Variants in SUZ12 observed in about 807,000 individuals in gnomAD.
SUZ12 encodes the protein SUZ12 polycomb repressive complex 2 subunit.
In SUZ12, 17 loss-of-function variants were observed where a neutral mutation model predicts 87.3. That is an observed-to-expected ratio of 0.19 (90% CI 0.13 to 0.29). The LOEUF (loss-of-function observed/expected upper bound fraction) is 0.29. Among genes scored for constraint, SUZ12 ranks in the 10% least tolerant of loss-of-function variants. The probability of loss-of-function intolerance (pLI) is 1.00; values close to 1 mark genes in which losing one functional copy is unlikely to be tolerated. For missense variants in SUZ12, 526 were observed against 912.2 expected (o/e 0.58, Z 5.45); for synonymous variants, 253 against 312.4 (o/e 0.81, Z 2.01).
At chr17:31,961,659 A>AT (rs1359678334) in intron 4 of SUZ12, among the ~76,000 whole-genome samples, 2 of 152,170 alleles carry the variant, frequency 1.3e-5, no homozygotes, top group Non-Finnish European at 2.9e-5. Flanking sequence ...TTATTTGTTA[A>AT]TTTTCAGTGT....
chr17:31,975,010 G>T (rs1908660359), intron 6 of SUZ12, among the ~76,000 whole-genome samples: 1 of 151,964 alleles, frequency 6.6e-6, no homozygotes, highest in Non-Finnish European at 1.5e-5. Flanking sequence ...TCATAATGTA[G>T]TTGTTGACCA....
At position 31,998,954 on chromosome 17, in the gene SUZ12, CAGAT is replaced by C. The variant is rs747796605; in HGVS notation, c.2174_2177del (p.Asp725ValfsTer18). ...AACTCAAAAGAGAAAGCTTTGGAAACAGATAGTGTCTCAGGGGTTTCAAAACAGA... is the reference window on the plus strand; with the variant it reads ...AACTCAAAAGAGAAAGCTTTGGAAACAGTGTCTCAGGGGTTTCAAAACAGA... On this transcript the variant is annotated frameshift_variant, in exon 16 of 16. Coordinates refer to ENST00000322652, the MANE Select transcript of SUZ12 (RefSeq NM_015355.4). LOFTEE classifies it high-confidence loss of function. The C allele has an allele frequency of 2.0e-4, 319 of 1,604,508 alleles. 5 individuals are homozygous for C. The South Asian group carries it at 2.5e-3, about 12-fold the overall frequency.
intron 7 of SUZ12, 46 bp downstream of exon 7, chr17:31,975,759 T>G (rs754265346): frequency 1.1e-5 from 16 of 1,439,016 alleles, no homozygotes; most frequent in Non-Finnish European, 1.5e-5. Flanking sequence ...ACTAAGATGG[T>G]CATTGAAAAT....
rs756290791 is a variant in SUZ12 at position 31,937,390 on chromosome 17, G to C, written c.144G>C (p.Gly48=). ...AATCCGGCGGCGGGAGCTGTGGAGG[G>C]GGTGGCAGTTACTCGGCCTCCTCCT... ...GGKSGGGSCG[G]GGSYSASSSS... is the part of the protein sequence containing the mutation. Residue 48 remains glycine, a synonymous_variant, in exon 1 of 16, where the codon GGG becomes GGC. Transcript: ENST00000322652. The C allele has an allele frequency of 1.0e-4, 158 of 1,537,264 alleles. No individual in the cohort carries two copies. The highest frequency in any genetic ancestry group is 1.6e-4 in the Admixed American group (8 of 50,234).
chr17:31,968,862 G>A (rs1225214352), intron 5 of SUZ12, among the ~76,000 whole-genome samples: 2 of 152,180 alleles, frequency 1.3e-5, no homozygotes, highest in East Asian at 3.9e-4. Flanking sequence ...TTTTTGGAAA[G>A]TAGTCATATT....
intron 4 of SUZ12, among the ~76,000 whole-genome samples, chr17:31,960,376 A>G (rs1907629670): frequency 1.3e-5 from 2 of 151,626 alleles, no homozygotes; most frequent in African/African-American, 4.8e-5. Flanking sequence ...ACGGCCAGCT[A>G]ATTTATGTGT....
intron 8 of SUZ12, among the ~76,000 whole-genome samples, chr17:31,979,037 C>G (rs1488365899): frequency 7.6e-6 from 1 of 132,126 alleles, no homozygotes; most frequent in African/African-American, 2.8e-5. Context: ...ACCCAGGAGG[C>G]GGAGGTTACA....
At chr17:31,982,197 G>A (rs1909150670) in intron 8 of SUZ12, among the ~76,000 whole-genome samples, 1 of 152,140 alleles carries the variant, frequency 6.6e-6, no homozygotes, top group Non-Finnish European at 1.5e-5. Context: ...TGTGCCAGGT[G>A]CCCCCAGAAT....
At chr17:31,958,548 T>G (rs1907507712) in intron 4 of SUZ12, among the ~76,000 whole-genome samples, 2 of 151,512 alleles carry the variant, frequency 1.3e-5, no homozygotes, top group Admixed American at 1.3e-4. Flanking sequence ...CCATCTCTAC[T>G]AAAAATCCAA....
chr17:31,938,488 A>G, intron 1 of SUZ12, among the ~76,000 whole-genome samples: 1 of 152,210 alleles, frequency 6.6e-6, no homozygotes, highest in Non-Finnish European at 1.5e-5. Flanking sequence ...ACGTTGTTTA[A>G]TACCCTTCCT....
At chr17:31,939,950 TAATA>T in intron 1 of SUZ12, among the ~76,000 whole-genome samples, 1 of 152,174 alleles carries the variant, frequency 6.6e-6, no homozygotes, top group Non-Finnish European at 1.5e-5. Flanking sequence ...AGAAAATCGG[TAATA>T]AATAGTTTAA....
At chr17:31,940,701 CTT>C (rs796594350) in intron 3 of SUZ12, among the ~76,000 whole-genome samples, 1 of 145,774 alleles carries the variant, frequency 6.9e-6, no homozygotes, top group Non-Finnish European at 1.5e-5. Flanking sequence ...TTGTTATTAG[CTT>C]TTTTTTTTTA....
At chr17:31,939,416 A>AG (rs1319796319) in intron 1 of SUZ12, among the ~76,000 whole-genome samples, 1 of 151,916 alleles carries the variant, frequency 6.6e-6, no homozygotes, top group African/African-American at 2.4e-5. Flanking sequence ...GAAAAAAAAA[A>AG]TCTTGACTGA....
chr17:31,997,894 C>A (rs985881500), intron 15 of SUZ12, among the ~76,000 whole-genome samples: 3 of 151,978 alleles, frequency 2.0e-5, no homozygotes, highest in African/African-American at 7.3e-5. Context: ...TTTACCATTT[C>A]ATAGAGGTGA....
At chr17:31,951,148 A>G (rs1382300644) in intron 4 of SUZ12, among the ~76,000 whole-genome samples, 1 of 152,126 alleles carries the variant, frequency 6.6e-6, no homozygotes, top group Admixed American at 6.5e-5. Flanking sequence ...GGAGTCTTCC[A>G]CTAGAATTCA....
Position 31,940,409 on chromosome 17 carries a change from A to T in SUZ12, c.322-13A>T, listed in dbSNP as rs1567809848. The T allele has an allele frequency of 6.3e-7, 1 of 1,584,758 alleles. No individual in the cohort carries two copies. The highest frequency in any genetic ancestry group is 1.9e-5 in the Admixed American group (1 of 53,336). On this transcript the variant is annotated splice_polypyrimidine_tract_variant and intron_variant, in intron 2 of 15. Coordinates refer to ENST00000322652, the MANE Select transcript of SUZ12 (RefSeq NM_015355.4). Reference sequence around the variant, plus strand: ...TGTATTCAATTTTAACATTTTTAAAACTCTTTTTGTAGCCAATATTTTTGC... The same window carrying T: ...TGTATTCAATTTTAACATTTTTAAATCTCTTTTTGTAGCCAATATTTTTGC...
chr17:31,963,406 C>T (rs1222314294), intron 4 of SUZ12, among the ~76,000 whole-genome samples: 3 of 150,932 alleles, frequency 2.0e-5, no homozygotes, highest in Non-Finnish European at 3.0e-5. Flanking sequence ...TCTCCCATCC[C>T]GCCTCATCTC....
At chr17:31,949,045 C>T (rs971310095) in intron 4 of SUZ12, among the ~76,000 whole-genome samples, 7 of 152,236 alleles carry the variant, frequency 4.6e-5, no homozygotes, top group African/African-American at 1.7e-4. Flanking sequence ...AAAGTTTGCC[C>T]TATAGTCATT....
At position 31,956,766 on chromosome 17, in the gene SUZ12, A is replaced by G. The variant is rs147008178; in HGVS notation, c.455+9081A>G. Among the ~76,000 whole-genome samples the G allele has an allele frequency of 7.6e-3, 1,150 of 151,752 alleles. 13 individuals carry two copies. The highest frequency in any genetic ancestry group is 0.026 in the African/African-American group (1,097 of 41,422). On this transcript the variant is annotated intron_variant, in intron 4 of 15. Coordinates refer to ENST00000322652, the MANE Select transcript of SUZ12 (RefSeq NM_015355.4). ...TATATATACGTGTGTGTGTGTATAT[A>G]TATGTATATATGTATATATATATAT...
Sources: allele counts gnomAD v4.1 joint callset (sites outside exome capture counted in the v4.1 genomes callset), GRCh38; gene constraint gnomAD v4.1.1; transcripts MANE v1.5; gene names NCBI Gene and HGNC (gene_info 2026-07-23, HGNC 2026-07-21).